Variants in SRP54 observed in about 807,000 individuals in gnomAD.
SRP54 encodes signal recognition particle subunit SRP54.
Under a neutral mutation model 64.8 loss-of-function variants are expected in SRP54, and 10 were observed. The ratio of observed to expected loss-of-function variants is 0.15; its 90% CI spans 0.10 to 0.26. SRP54 has a LOEUF of 0.26. Among genes scored for constraint, SRP54 ranks in the 10% least tolerant of loss-of-function variants. The pLI, the probability that SRP54 is intolerant of heterozygous loss-of-function variation, is 1.00. For synonymous variants in SRP54, 193 were observed against 185.6 expected (o/e 1.04, Z -0.32); for missense variants, 325 against 613.7 (o/e 0.53, Z 4.97).
chr14:34,984,432 G>A (rs943157248), intron 1 of SRP54, among the ~76,000 whole-genome samples: 5 of 152,124 alleles, frequency 3.3e-5, no homozygotes, highest in Non-Finnish European at 7.3e-5. Context: ...GGCTCTCCTC[G>A]AGGCTTCTCG....
chr14:35,023,735 G>A (rs2044572763), intron 14 of SRP54, among the ~76,000 whole-genome samples: 2 of 151,656 alleles, frequency 1.3e-5, no homozygotes, highest in South Asian at 4.2e-4. Flanking sequence ...AGTGAGCCGA[G>A]ATTGTACCAC....
chr14:34,989,218 T>TTGGCCAGGTGCAG (rs1320002901), intron 1 of SRP54, among the ~76,000 whole-genome samples: 1 of 152,152 alleles, frequency 6.6e-6, no homozygotes, highest in African/African-American at 2.4e-5. Context: ...GAAAGGACTT[T>TTGGCCAGGTGCAG]TGGCCAGGTG....
chr14:35,025,272 T>A (rs1440740610), intron 14 of SRP54, among the ~76,000 whole-genome samples: 2 of 152,228 alleles, frequency 1.3e-5, no homozygotes, highest in South Asian at 2.1e-4. Flanking sequence ...GCTCTGAATA[T>A]GAACAATACC....
intron 4 of SRP54, among the ~76,000 whole-genome samples, chr14:35,006,386 C>T (rs1330514855): frequency 6.6e-6 from 1 of 152,194 alleles, no homozygotes; most frequent in Non-Finnish European, 1.5e-5. Flanking sequence ...ATGGCATCCA[C>T]TAGCCACATG....
chr14:35,023,114 C>A, intron 14 of SRP54, 34 bp downstream of exon 14: 5 of 1,383,034 alleles, frequency 3.6e-6, no homozygotes, highest in South Asian at 1.4e-5. Context: ...AGTTAACAGA[C>A]GGAAAAGAAA....
intron 14 of SRP54, among the ~76,000 whole-genome samples, chr14:35,026,865 C>T (rs914833332): frequency 4.6e-5 from 7 of 152,042 alleles, no homozygotes; most frequent in Non-Finnish European, 8.8e-5. Flanking sequence ...ATGGTGTGAA[C>T]CCGGGAGGCG....
chr14:34,996,226 C>CT (rs1010245155), intron 1 of SRP54, among the ~76,000 whole-genome samples: 2 of 151,578 alleles, frequency 1.3e-5, no homozygotes, highest in Middle Eastern at 3.2e-3. Context: ...AACCTTTTTT[C>CT]TTTTTTTTGC....
chr14:34,986,238 GAA>G (rs1446739116), intron 1 of SRP54, among the ~76,000 whole-genome samples: 1 of 152,162 alleles, frequency 6.6e-6, no homozygotes, highest in Non-Finnish European at 1.5e-5. Flanking sequence ...TTAATGAAGA[GAA>G]AGTTGCTTGA....
At chr14:35,007,214 T>C in intron 4 of SRP54, 69 bp from the exon 5 acceptor site, 6 of 1,061,046 alleles carry the variant, frequency 5.7e-6, no homozygotes, top group African/African-American at 1.6e-5. Context: ...AAAAAAGTTG[T>C]GGGGAAGGGG....
At chr14:34,992,139 A>G (rs12050394) in intron 1 of SRP54, among the ~76,000 whole-genome samples, 68,465 of 151,948 alleles carry the variant, frequency 0.45, 16,262 homozygotes, top group East Asian at 0.69. Flanking sequence ...CGCCATGTTG[A>G]CCAGGCTGGC....
intron 14 of SRP54, among the ~76,000 whole-genome samples, chr14:35,023,555 G>A (rs1048108489): frequency 1.3e-5 from 2 of 151,912 alleles, no homozygotes; most frequent in Non-Finnish European, 2.9e-5. Flanking sequence ...AGGCTGAGGC[G>A]GGCGGATCAC....
chr14:35,020,050 T>C (rs2044501162), intron 13 of SRP54, among the ~76,000 whole-genome samples: 2 of 152,120 alleles, frequency 1.3e-5, no homozygotes, highest in South Asian at 4.1e-4. Context: ...CCGGGCGTGG[T>C]GGCACACACC....
chr14:35,022,843 C>A, intron 13 of SRP54, 67 bp from the exon 14 acceptor site: 1 of 1,320,578 alleles, frequency 7.6e-7, no homozygotes, highest in Admixed American at 2.4e-5. Context: ...ATATATTGCC[C>A]ATTTGCACAT....
Position 35,018,490 on chromosome 14 carries a change from A to G in SRP54, c.974-202A>G, listed in dbSNP as rs184248927. The stretch of plus-strand genomic sequence containing the variant: ...TCTCAGATAGAATGTAAGCTTCTCT[A>G]TGATAGGACCTGTCTTTGTCTATGT... On this transcript the variant is annotated intron_variant, in intron 11 of 15. Coordinates refer to ENST00000216774, the MANE Select transcript of SRP54 (RefSeq NM_003136.4). 3.3e-5 allele frequency: 17 copies of G among 510,448 alleles called. No individual in the cohort carries two copies. The East Asian group carries it at 3.4e-4, about 10-fold the overall frequency. 31.6% of individuals were successfully genotyped at this position (510,448 alleles called of 1,614,324 possible). A position where few individuals can be genotyped will look rare whatever the true frequency, so the allele number is the denominator to read the frequency against.
chr14:34,996,732 G>GA lies in SRP54; in HGVS notation c.28dup (p.Ile10AsnfsTer16), dbSNP rs1566644406. The GA allele has an allele frequency of 6.2e-7, 1 of 1,613,472 alleles. No homozygotes were observed. The highest frequency in any genetic ancestry group is 1.1e-5 in the South Asian group (1 of 91,070). ...AAGATGGTTCTAGCAGACCTTGGAA[G>GA]AAAAATAACATCAGCATTACGCTCG... On this transcript the variant is annotated frameshift_variant, in exon 2 of 16. Transcript: ENST00000216774. LOFTEE classifies it high-confidence loss of function.
At chr14:35,017,862 T>A (rs145164183) in intron 11 of SRP54, among the ~76,000 whole-genome samples, 1 of 152,202 alleles carries the variant, frequency 6.6e-6, no homozygotes, top group Non-Finnish European at 1.5e-5. Context: ...TGGCTCACAC[T>A]GTAATCCTAG....
At chr14:34,987,443 A>G (rs1232328911) in intron 1 of SRP54, among the ~76,000 whole-genome samples, 1 of 151,628 alleles carries the variant, frequency 6.6e-6, no homozygotes, top group Non-Finnish European at 1.5e-5. Flanking sequence ...ATCATTCCCT[A>G]TTTTACTCCA....
At chr14:35,001,408 C>T (rs2044170790) in intron 4 of SRP54, among the ~76,000 whole-genome samples, 1 of 152,102 alleles carries the variant, frequency 6.6e-6, no homozygotes, top group Non-Finnish European at 1.5e-5. Context: ...GCTTCGGCCT[C>T]CCAAAGTGCT....
intron 9 of SRP54, 104 bp from the exon 10 acceptor site, chr14:35,013,698 C>T (rs2044390128): frequency 1.4e-5 from 16 of 1,150,666 alleles, no homozygotes; most frequent in Non-Finnish European, 2.0e-5. Context: ...AGTTTTGTAC[C>T]TTTGTCTAAT....
Sources: allele counts gnomAD v4.1 joint callset (sites outside exome capture counted in the v4.1 genomes callset), GRCh38; gene constraint gnomAD v4.1.1; transcripts MANE v1.5; gene names NCBI Gene and HGNC (gene_info 2026-07-23, HGNC 2026-07-21).